Variants in STK32B observed in about 807,000 individuals in gnomAD.
STK32B encodes the protein serine/threonine kinase 32B.
A neutral mutation model predicts 52.6 loss-of-function variants in STK32B; 43 were observed. The ratio of observed to expected loss-of-function variants is 0.82; its 90% CI spans 0.64 to 1.05. STK32B has a LOEUF of 1.05. Among genes scored for constraint, STK32B ranks in the 50% least tolerant of loss-of-function variants. STK32B has a pLI of 0.00. For synonymous variants in STK32B, 238 were observed against 204.3 expected, an observed-to-expected ratio of 1.17 and a Z score of -1.41; for missense variants, 621 against 534.6, an observed-to-expected ratio of 1.16 and a Z score of -1.59.
intron 8 of STK32B, chr4:5,458,440 C>G (rs1443388534): frequency 1.3e-5 from 2 of 152,216 alleles, no homozygotes; most frequent in Non-Finnish European, 2.9e-5. Context: ...GTGTCACTAT[C>G]CCAGTACCAG....
chr4:5,317,097 GATATA>G (rs1219998018), intron 3 of STK32B, among the ~76,000 whole-genome samples: 7 of 26,430 alleles, frequency 2.6e-4, no homozygotes, highest in East Asian at 1.5e-3. Context: ...TAATATATAT[GATATA>G]ATATATAATA....
intron 2 of STK32B, among the ~76,000 whole-genome samples, chr4:5,153,757 G>A (rs7673705): frequency 0.37 from 55,728 of 151,980 alleles, 10,927 homozygotes; most frequent in East Asian, 0.66. Flanking sequence ...TCTATTCACA[G>A]ACTTATGTTT....
At chr4:5,366,103 G>A (rs1342645862) in intron 4 of STK32B, among the ~76,000 whole-genome samples, 2 of 152,160 alleles carry the variant, frequency 1.3e-5, no homozygotes, top group Non-Finnish European at 2.9e-5. Context: ...TGGAAAGAGA[G>A]CAGGAGAGGT....
At chr4:5,433,166 A>AGAGGATAAAAAG (rs1713740430) in intron 6 of STK32B, among the ~76,000 whole-genome samples, 1 of 87,694 alleles carries the variant, frequency 1.1e-5, no homozygotes, top group Admixed American at 1.3e-4. Flanking sequence ...GGACCAGAGT[A>AGAGGATAAAAAG]GAGGATAGAA....
intron 2 of STK32B, among the ~76,000 whole-genome samples, chr4:5,164,899 T>A (rs1289145620): frequency 2.0e-5 from 3 of 152,206 alleles, no homozygotes; most frequent in Non-Finnish European, 4.4e-5. Context: ...TTTTCTCTTT[T>A]AGCCTCTATC....
chr4:5,240,618 C>A (rs1256376712), intron 3 of STK32B, among the ~76,000 whole-genome samples: 2 of 152,082 alleles, frequency 1.3e-5, no homozygotes, highest in Non-Finnish European at 1.5e-5. Flanking sequence ...TACCACCGCA[C>A]CCAGCTAATT....
At chr4:5,169,346 G>A (rs1719150025) in intron 3 of STK32B, among the ~76,000 whole-genome samples, 2 of 152,134 alleles carry the variant, frequency 1.3e-5, no homozygotes, top group African/African-American at 4.8e-5. Flanking sequence ...GGGAGAGGGA[G>A]GACAGGCCGC....
intron 3 of STK32B, among the ~76,000 whole-genome samples, chr4:5,288,861 A>G (rs1728710647): frequency 6.6e-6 from 1 of 152,180 alleles, no homozygotes; most frequent in African/African-American, 2.4e-5. Context: ...CAAAACAACT[A>G]TGTTTTAAAG....
At chr4:5,050,951 G>T (rs1741743956), upstream of STK32B, among the ~76,000 whole-genome samples, 1 of 152,144 alleles carries the variant, frequency 6.6e-6, no homozygotes, top group South Asian at 2.1e-4. Flanking sequence ...GGCTGTCTGG[G>T]GCCTCAGTTT....
intron 3 of STK32B, among the ~76,000 whole-genome samples, chr4:5,308,187 CT>C (rs1730053951): frequency 5.9e-5 from 9 of 152,178 alleles, no homozygotes; most frequent in Admixed American, 5.2e-4. Flanking sequence ...GGCTAAAGAG[CT>C]TTCAAGAGAT....
At chr4:5,044,061 C>G in the STK32B span, among the ~76,000 whole-genome samples, 1 of 152,132 alleles carries the variant, frequency 6.6e-6, no homozygotes, top group Non-Finnish European at 1.5e-5. Context: ...GGTAATCCTT[C>G]TAGGCATTTA....
intron 5 of STK32B, among the ~76,000 whole-genome samples, chr4:5,410,020 G>T (rs535826997): frequency 6.6e-6 from 1 of 152,142 alleles, no homozygotes; most frequent in African/African-American, 2.4e-5. Context: ...TTTTACCATT[G>T]TCCTGTGATA....
At chr4:5,417,205 A>C (rs1712241158) in intron 6 of STK32B, among the ~76,000 whole-genome samples, 1 of 152,240 alleles carries the variant, frequency 6.6e-6, no homozygotes, top group Non-Finnish European at 1.5e-5. Flanking sequence ...GGTGGCAAAC[A>C]AAACAAGTAT....
chr4:5,182,061 C>T (rs1720405926), intron 3 of STK32B, among the ~76,000 whole-genome samples: 1 of 152,230 alleles, frequency 6.6e-6, no homozygotes, highest in African/African-American at 2.4e-5. Context: ...ATATTCATGG[C>T]ATCTTCATAT....
At chr4:5,480,118 T>C (rs1157520980) in intron 11 of STK32B, among the ~76,000 whole-genome samples, 1 of 152,210 alleles carries the variant, frequency 6.6e-6, no homozygotes, top group African/African-American at 2.4e-5. Context: ...CCTAGTAATA[T>C]TAATTATTTA....
chr4:5,368,685 A>G (rs893240682), intron 4 of STK32B, among the ~76,000 whole-genome samples: 4 of 152,136 alleles, frequency 2.6e-5, no homozygotes, highest in Admixed American at 6.5e-5. Context: ...GCTGGCAGGG[A>G]CTGCTTGGCA....
the STK32B span, among the ~76,000 whole-genome samples, chr4:5,038,848 TTTAA>T: frequency 6.6e-6 from 1 of 152,206 alleles, no homozygotes; most frequent in Non-Finnish European, 1.5e-5. Flanking sequence ...ATTTTATTTC[TTTAA>T]TAATAAATTA....
intron 4 of STK32B, among the ~76,000 whole-genome samples, chr4:5,353,990 C>T (rs1334425162): frequency 6.6e-6 from 1 of 152,196 alleles, no homozygotes; most frequent in African/African-American, 2.4e-5. Context: ...CCTAAGTGTC[C>T]ATTGGCAGAC....
At chr4:5,484,350 C>T (rs1337066502) in intron 11 of STK32B, among the ~76,000 whole-genome samples, 2 of 151,984 alleles carry the variant, frequency 1.3e-5, no homozygotes, top group Admixed American at 1.3e-4. Flanking sequence ...TAATGGCCTT[C>T]TTTGTCTCTT....
Sources: gnomAD v4.1 joint callset for allele counts (sites outside exome capture counted in the v4.1 genomes callset) on GRCh38, gnomAD v4.1.1 for gene constraint, MANE v1.5 for transcripts, NCBI Gene and HGNC (gene_info 2026-07-23, HGNC 2026-07-21) for gene names.